Variants in ACTR1B observed in about 807,000 individuals in gnomAD.
ACTR1B encodes the protein actin related protein 1B, also known as beta-centractin.
A neutral mutation model predicts 49.4 loss-of-function variants in ACTR1B; 34 were observed. The observed-to-expected ratio is 0.69, with a 90% CI of 0.52 to 0.92. The LOEUF is 0.92. Among genes scored for constraint, ACTR1B ranks in the 40% least tolerant of loss-of-function variants. ACTR1B has a pLI of 0.00. For synonymous variants in ACTR1B, 207 were observed against 207.8 expected (o/e 1.00, Z 0.03); for missense variants, 471 against 522.4 (o/e 0.90, Z 0.96).
At position 97,660,555 on chromosome 2, in the gene ACTR1B, G is replaced by T; in HGVS notation, c.189+16C>A. 1 of 1,613,288 alleles carries T rather than the reference G, an allele frequency of 6.2e-7. No individual in the cohort carries two copies. The highest frequency in any genetic ancestry group is 8.5e-7 in the Non-Finnish European group (1 of 1,179,236). On this transcript the variant is annotated intron_variant, in intron 3 of 10. Coordinates refer to ENST00000289228, the MANE Select transcript of ACTR1B (RefSeq NM_005735.4). The stretch of plus-strand genomic sequence containing the variant: ...AGGACCCCACCCCCAGGGAAAGGCA[G>T]GCTCCTCGGTGTTACCTCTGCTTTT...
At chr2:97,657,239 G>A in intron 9 of ACTR1B, 47 bp from the exon 10 acceptor site, 6 of 1,603,686 alleles carry the variant, frequency 3.7e-6, no homozygotes, top group Non-Finnish European at 4.3e-6. Context: ...CCACCCAGAA[G>A]CCATCCTCCC....
intron 1 of ACTR1B, among the ~76,000 whole-genome samples, chr2:97,662,903 T>C (rs1392412046): frequency 6.6e-6 from 1 of 152,066 alleles, no homozygotes; most frequent in East Asian, 1.9e-4. Context: ...TTATTAAACA[T>C]CCCCTGCTGT....
At chr2:97,660,744 T>TGG in intron 2 of ACTR1B, 98 bp from the exon 3 acceptor site, 2 of 1,229,494 alleles carry the variant, frequency 1.6e-6, no homozygotes, top group South Asian at 2.4e-5. Context: ...AGAGGGTACC[T>TGG]GGCCTCCAAA....
rs1674917182 is a variant in ACTR1B at position 97,658,462 on chromosome 2, A to G, written c.622T>C (p.Ser208Pro). The G allele has an allele frequency of 6.2e-7, 1 of 1,613,946 alleles. No individual in the cohort carries two copies. The highest frequency in any genetic ancestry group is 8.5e-7 in the Non-Finnish European group (1 of 1,179,978). Residue 208 changes from serine (S) to proline (P), a missense_variant, in exon 6 of 11, where the codon TCG (serine) becomes CCG (proline). Transcript: ENST00000289228. This position sits in a 1 kb window ranked among gnomAD's most constrained non-coding sequence, Gnocchi z 5.9. ...LRKEGVDFHTSAEFEVVRTIK... is the reference protein window; with the variant it reads ...LRKEGVDFHTPAEFEVVRTIK... Reference sequence around the variant, plus strand: ...GTCCGGACAACCTCAAACTCAGCCGAGGTATGGAAGTCAACCCCTTCCTTG... The same window carrying G: ...GTCCGGACAACCTCAAACTCAGCCGGGGTATGGAAGTCAACCCCTTCCTTG...
rs375956878 is a variant in ACTR1B at position 97,663,912 on chromosome 2, C to G, written c.-22G>C. 2 of 1,352,156 alleles carry G rather than the reference C, an allele frequency of 1.5e-6. No individual in the cohort carries two copies. The highest frequency in any genetic ancestry group is 3.7e-5 in the South Asian group (2 of 54,758). The allele number at this position is 1,352,156 out of a possible 1,614,324, so 83.8% of individuals were successfully genotyped here. A position where few individuals can be genotyped will look rare whatever the true frequency, so the allele number is the denominator to read the frequency against. On this transcript the variant is annotated 5_prime_UTR_variant, in exon 1 of 11. Transcript: ENST00000289228. ...CCATGGCCGGGCCGCGCCGGCCCTG[C>G]CCAGCAGGCGGGCTGCAGGAGGCAC...
At chr2:97,660,728 TC>T in intron 2 of ACTR1B, 82 bp from the exon 3 acceptor site, 2 of 1,389,866 alleles carry the variant, frequency 1.4e-6, no homozygotes, top group South Asian at 1.2e-5. Flanking sequence ...CCAACCATAG[TC>T]GCCCAGAGGG....
chr2:97,661,742 A>G, intron 2 of ACTR1B, 140 bp downstream of exon 2: 1 of 780,998 alleles, frequency 1.3e-6, no homozygotes, highest in Non-Finnish European at 2.1e-6. Context: ...GTGCTCTCTC[A>G]AGAGTGTCAA....
chr2:97,658,976 GC>G lies in ACTR1B; in HGVS notation c.342del (p.Leu115SerfsTer44), dbSNP rs1559289303. The G allele has an allele frequency of 6.2e-7, 1 of 1,614,170 alleles. No homozygotes were observed. Among genetic ancestry groups the G allele is most frequent in the Non-Finnish European group, 8.5e-7 (1 of 1,180,026 alleles). On this transcript the variant is annotated frameshift_variant, in exon 5 of 11. Coordinates refer to ENST00000289228, the MANE Select transcript of ACTR1B (RefSeq NM_005735.4). LOFTEE classifies it high-confidence loss of function. The surrounding 1 kb of genome is among the most constrained non-coding windows in gnomAD (Gnocchi z 5.9). ...EEHPVLLTEA[P>X]LNPSKNREKA... Reference sequence around the variant, plus strand: ...TTCTCCCGGTTCTTACTCGGGTTGAGCGGGGCCTCCGTGAGGAGCACAGGAT... The same window carrying G: ...TTCTCCCGGTTCTTACTCGGGTTGAGGGGGCCTCCGTGAGGAGCACAGGAT...
Position 97,658,597 on chromosome 2 carries a change from C to A in ACTR1B, c.487G>T (p.Gly163Trp). 6.2e-7 allele frequency: 1 copy of A among 1,614,080 alleles called. No individual in the cohort carries two copies. The highest frequency in any genetic ancestry group is 8.5e-7 in the Non-Finnish European group (1 of 1,180,012). The change falls in exon 6 of 11, where the codon GGG (glycine) becomes TGG (tryptophan). Residue 163 changes from glycine (G) to tryptophan (W), a missense_variant. Transcript: ENST00000289228. This position sits in a 1 kb window ranked among gnomAD's most constrained non-coding sequence, Gnocchi z 5.9. ...TAGATGGGCACAGCATGAGTGACCC[C>A]GTCCCCTGAGTCTAGAACCACTCCT... is the stretch of plus-strand genomic sequence containing the variant. ...TTGVVLDSGDGVTHAVPIYEG... is the reference protein window; with the variant it reads ...TTGVVLDSGDWVTHAVPIYEG...
rs76759921 is a variant in ACTR1B, at chr2:97,659,281, C to A, written c.315+71G>T. ...GTAGAAGGGAAATGTGGGAGCCCGG[C>A]GAGGAGGGACGCAGAGGAGAGGGGC... On this transcript the variant is annotated intron_variant, in intron 4 of 10. Coordinates refer to ENST00000289228, the MANE Select transcript of ACTR1B (RefSeq NM_005735.4). This position sits in a 1 kb window ranked among gnomAD's most constrained non-coding sequence, Gnocchi z 4.0. 1.2e-6 allele frequency: 2 copies of A among 1,601,296 alleles called. No individual in the cohort carries two copies. The highest frequency in any genetic ancestry group is 8.5e-7 in the Non-Finnish European group (1 of 1,173,880).
At position 97,659,458 on chromosome 2, in the gene ACTR1B, G is replaced by C. The variant is rs1674953157; in HGVS notation, c.209C>G (p.Thr70Ser). 6.2e-7 allele frequency: 1 copy of C among 1,613,844 alleles called. No individual in the cohort carries two copies. The highest frequency in any genetic ancestry group is 8.5e-7 in the Non-Finnish European group (1 of 1,179,954). Residue 70 changes from threonine to serine, a missense_variant, in exon 4 of 11, where the codon ACC (threonine) becomes AGC (serine). Thr to Ser is a moderately conservative substitution (Grantham distance 58). Coordinates refer to ENST00000289228, the MANE Select transcript of ACTR1B (RefSeq NM_005735.4). The surrounding 1 kb of genome is among the most constrained non-coding windows in gnomAD (Gnocchi z 4.0). ...GCCGTGCTCCATGGGGTAGCGGATG[G>C]TCAGCAGCCCCCGGTGCTCCTGGTG... ...PKAEEHRGLL[T>S]IRYPMEHGVV...
rs1000420174 is a variant in ACTR1B, at chr2:97,656,499, C to G, written c.*359G>C. On this transcript the variant is annotated 3_prime_UTR_variant, in exon 11 of 11. Transcript: ENST00000289228. ...TGCCCCTTGCAGCCCACTCCCCAAA[C>G]TGGCTACCCAGGCATCCAGGCATTC... 8 of 270,900 alleles carry G rather than the reference C, an allele frequency of 3.0e-5. No individual in the cohort carries two copies. 16.8% of individuals were successfully genotyped at this position (270,900 alleles called of 1,614,324 possible). A position where few individuals can be genotyped will look rare whatever the true frequency, so the allele number is the denominator to read the frequency against.
chr2:97,656,774 G>T lies in ACTR1B; in HGVS notation c.*84C>A. 2 of 1,162,780 alleles carry T rather than the reference G, an allele frequency of 1.7e-6. No homozygotes were observed. The highest frequency in any genetic ancestry group is 1.3e-5 in the South Asian group (1 of 75,062). 72.0% of individuals were successfully genotyped at this position (1,162,780 alleles called of 1,614,324 possible). A position where few individuals can be genotyped will look rare whatever the true frequency, so the allele number is the denominator to read the frequency against. On this transcript the variant is annotated 3_prime_UTR_variant, in exon 11 of 11. Transcript: ENST00000289228. ...GGGCATGCAGGGGACCCTAAGCCTA[G>T]TATACGAGCCAAGACCAAAAAGGGT...
At chr2:97,662,181 ATGCTAT>A (rs1385245951) in intron 1 of ACTR1B, among the ~76,000 whole-genome samples, 1 of 152,140 alleles carries the variant, frequency 6.6e-6, no homozygotes, top group Non-Finnish European at 1.5e-5. Context: ...GCAGTGGGGG[ATGCTAT>A]TGGCATCTAG....
intron 1 of ACTR1B, among the ~76,000 whole-genome samples, chr2:97,663,100 T>C (rs1019098032): frequency 2.6e-5 from 4 of 152,172 alleles, no homozygotes; most frequent in Non-Finnish European, 5.9e-5. Flanking sequence ...CTTCTCCCCA[T>C]ATCAGAGCTC....
At chr2:97,657,914 C>T in intron 8 of ACTR1B, 29 bp downstream of exon 8, 1 of 1,609,288 alleles carries the variant, frequency 6.2e-7, no homozygotes, top group Non-Finnish European at 8.5e-7. Context: ...GGCCTCGTCT[C>T]ACCACCACCA....
intron 2 of ACTR1B, among the ~76,000 whole-genome samples, chr2:97,661,559 T>C (rs1202153356): frequency 2.0e-5 from 3 of 152,252 alleles, no homozygotes; most frequent in Non-Finnish European, 4.4e-5. Context: ...TCACTCTTCC[T>C]GCTCCGAGTT....
rs1261411704 is a variant in ACTR1B at position 97,658,672 on chromosome 2, C to T, written c.441-29G>A. ...TCACCAGGTCAGCATCCCCTCACCT[C>T]AGCCACTGAGGCACGGGGACCTCCT... On this transcript the variant is annotated intron_variant, in intron 5 of 10. Coordinates refer to ENST00000289228, the MANE Select transcript of ACTR1B (RefSeq NM_005735.4). This position sits in a 1 kb window ranked among gnomAD's most constrained non-coding sequence, Gnocchi z 5.9. 2.0e-5 allele frequency: 33 copies of T among 1,611,898 alleles called. No homozygotes were observed. Among genetic ancestry groups the T allele is most frequent in the Non-Finnish European group, 2.7e-5 (32 of 1,179,106 alleles).
In ACTR1B at chr2:97,663,986, C is replaced by G. The variant is rs1489695033; in HGVS notation, c.-96G>C. On this transcript the variant is annotated 5_prime_UTR_variant, in exon 1 of 11. Coordinates refer to ENST00000289228, the MANE Select transcript of ACTR1B (RefSeq NM_005735.4). ...ACCGGGACGGCGGCGGCTCCCGACG[C>G]GGCGCCGCTGCCCTCCCTCCCCGAG... 1.3e-6 allele frequency: 1 copy of G among 755,352 alleles called. No homozygotes were observed. Among genetic ancestry groups the G allele is most frequent in the Non-Finnish European group, 1.8e-6 (1 of 558,716 alleles). 46.8% of individuals were successfully genotyped at this position (755,352 alleles called of 1,614,324 possible). A position where few individuals can be genotyped will look rare whatever the true frequency, so the allele number is the denominator to read the frequency against.
Sources: gnomAD v4.1 joint callset for allele counts (sites outside exome capture counted in the v4.1 genomes callset) on GRCh38, gnomAD v4.1.1 for gene constraint, Gnocchi (gnomAD v3.1) non-coding constraint, MANE v1.5 for transcripts, NCBI Gene and HGNC (gene_info 2026-07-23, HGNC 2026-07-21) for gene names.